Variants in PREX1 observed in about 807,000 individuals in gnomAD.
PREX1 encodes phosphatidylinositol 3,4,5-trisphosphate-dependent Rac exchanger 1 protein.
A neutral mutation model predicts 198.3 loss-of-function variants in PREX1; 41 were observed. The ratio of observed to expected loss-of-function variants is 0.21; its 90% CI spans 0.16 to 0.27. The LOEUF is 0.27. PREX1 is among the 10% of genes least tolerant of loss of function. PREX1 has a pLI of 1.00. For synonymous variants in PREX1, 843 were observed against 887.2 expected, an observed-to-expected ratio of 0.95 and a Z score of 0.89; for missense variants, 1,620 against 2,200.7, an observed-to-expected ratio of 0.74 and a Z score of 5.28.
the PREX1 span, among the ~76,000 whole-genome samples, chr20:48,843,288 C>T: frequency 3.9e-5 from 6 of 152,194 alleles, no homozygotes; most frequent in South Asian, 4.1e-4. Flanking sequence ...TTGCTTCTTT[C>T]CCAAGAGTGT....
intron 6 of PREX1, among the ~76,000 whole-genome samples, chr20:48,706,184 T>G (rs1244546490): frequency 2.6e-5 from 4 of 152,220 alleles, no homozygotes; most frequent in African/African-American, 4.8e-5. Context: ...GGTTTCCATT[T>G]GCCTAGGCCC....
At chr20:48,852,796 A>T in the PREX1 span, among the ~76,000 whole-genome samples, 1 of 152,252 alleles carries the variant, frequency 6.6e-6, no homozygotes, top group Non-Finnish European at 1.5e-5. Context: ...CCAATAAATT[A>T]TGGTGCATCT....
In PREX1 at chr20:48,661,543, G is replaced by GTGTA. The variant is rs1428739487; in HGVS notation, c.1739-1483_1739-1482insTACA. Among the ~76,000 whole-genome samples the GTGTA allele has an allele frequency of 4.3e-4, 37 of 86,308 alleles. 2 individuals carry two copies. The highest frequency in any genetic ancestry group is 1.4e-3 in the African/African-American group (36 of 26,330). 56.6% of individuals were successfully genotyped at this position (86,308 alleles called of 152,430 possible). Reference sequence around the variant, plus strand: ...ATATATATAATGTGTGTGTGTGTGTGTATATATATATATACACACACACAC... The same window carrying GTGTA: ...ATATATATAATGTGTGTGTGTGTGTGTGTATATATATATATATACACACACACAC... On this transcript the variant is annotated intron_variant, in intron 15 of 39. Coordinates refer to ENST00000371941, the MANE Select transcript of PREX1 (RefSeq NM_020820.4).
intron 14 of PREX1, among the ~76,000 whole-genome samples, chr20:48,672,304 T>C (rs533342347): frequency 6.6e-6 from 1 of 152,352 alleles, no homozygotes; most frequent in South Asian, 2.1e-4. Context: ...TACTCACCCA[T>C]GAGCAACCTA....
intron 24 of PREX1, 149 bp downstream of exon 24, chr20:48,649,847 G>C: frequency 1.0e-6 from 1 of 999,774 alleles, no homozygotes; most frequent in East Asian, 2.6e-5. Context: ...GCCACATCTA[G>C]AGATGCTGTC....
At chr20:48,635,775 C>A (rs2089357931) in intron 32 of PREX1, among the ~76,000 whole-genome samples, 1 of 152,230 alleles carries the variant, frequency 6.6e-6, no homozygotes, top group African/African-American at 2.4e-5. Context: ...CTTCAGGCCC[C>A]CAGCTCCCAG....
intron 1 of PREX1, among the ~76,000 whole-genome samples, chr20:48,763,498 C>T (rs184611083): frequency 6.6e-6 from 1 of 152,338 alleles, no homozygotes; most frequent in Non-Finnish European, 1.5e-5. Flanking sequence ...ATGCGGTCTC[C>T]TCTCTGTGGG....
At chr20:48,816,262 C>G (rs13038477) in intron 1 of PREX1, among the ~76,000 whole-genome samples, 4 of 151,878 alleles carry the variant, frequency 2.6e-5, no homozygotes, top group African/African-American at 9.7e-5. Context: ...AATATGGGCT[C>G]TGGAGTAGAA....
chr20:48,688,597 T>C lies in PREX1; in HGVS notation c.1334+60A>G, dbSNP rs996026075. The C allele has an allele frequency of 5.0e-6, 8 of 1,604,964 alleles. No individual in the cohort carries two copies. The African/African-American group carries it at 5.3e-5, about 11-fold the overall frequency. On this transcript the variant is annotated intron_variant, in intron 10 of 39. Transcript: ENST00000371941. ...AGGCTGCATGGGTGGATGGGGATGATCTGCCCCACCTCCAGCTGAGAGCCC... is the reference window on the plus strand; with the variant it reads ...AGGCTGCATGGGTGGATGGGGATGACCTGCCCCACCTCCAGCTGAGAGCCC...
At chr20:48,686,314 C>T (rs1308984705) in intron 10 of PREX1, among the ~76,000 whole-genome samples, 6 of 152,170 alleles carry the variant, frequency 3.9e-5, no homozygotes, top group South Asian at 2.1e-4. Flanking sequence ...ACACACCCTA[C>T]GGCTGTGTGC....
chr20:48,771,559 C>A (rs2122881963), intron 1 of PREX1, among the ~76,000 whole-genome samples: 1 of 152,124 alleles, frequency 6.6e-6, no homozygotes, highest in East Asian at 1.9e-4. Context: ...ATGGCTTGAA[C>A]CCAGGAGGCA....
chr20:48,642,993 G>A (rs2122867509), intron 27 of PREX1, among the ~76,000 whole-genome samples: 1 of 152,256 alleles, frequency 6.6e-6, no homozygotes, highest in South Asian at 2.1e-4. Context: ...TTTATGCACA[G>A]ACTATCTCTG....
chr20:48,657,502 G>A (rs2089554397), intron 17 of PREX1, among the ~76,000 whole-genome samples: 1 of 152,220 alleles, frequency 6.6e-6, no homozygotes, highest in South Asian at 2.1e-4. Context: ...ATGTCTGTTA[G>A]GGCCTGGCGA....
chr20:48,782,429 C>T (rs907951803), intron 1 of PREX1, among the ~76,000 whole-genome samples: 2 of 152,156 alleles, frequency 1.3e-5, no homozygotes, highest in Admixed American at 6.5e-5. Flanking sequence ...TCCCCAGCCA[C>T]GTGAAACTGT....
rs1187781217 is a variant in PREX1 at position 48,708,346 on chromosome 20, C to T, written c.697G>A (p.Val233Ile). 2 of 1,614,110 alleles carry T rather than the reference C, an allele frequency of 1.2e-6. No homozygotes were observed. Among genetic ancestry groups the T allele is most frequent in the Non-Finnish European group, 1.7e-6 (2 of 1,180,026 alleles). ...VQSALQAMKT[V>I]CSNINETKRQ... ...TTGGTCTCATTGATGTTGGAGCAAA[C>T]GGTCTTCATGGCCTGCAGGGCACTC... Residue 233 changes from valine to isoleucine, a missense_variant, in exon 6 of 40, where the codon GTT becomes ATT. Physicochemically the swap from Val to Ile is conservative, Grantham distance 29. Coordinates refer to ENST00000371941, the MANE Select transcript of PREX1 (RefSeq NM_020820.4).
chr20:48,872,420 T>G, the PREX1 span, among the ~76,000 whole-genome samples: 1 of 151,984 alleles, frequency 6.6e-6, no homozygotes, highest in Non-Finnish European at 1.5e-5. Flanking sequence ...CAAGACAGGC[T>G]TGAGATCAAC....
intron 14 of PREX1, among the ~76,000 whole-genome samples, chr20:48,669,004 G>A (rs1263656006): frequency 1.3e-5 from 2 of 152,110 alleles, no homozygotes; most frequent in Non-Finnish European, 2.9e-5. Flanking sequence ...CAGTGATACA[G>A]AAGGCCCAGA....
chr20:48,647,180 T>C (rs1249694740), intron 25 of PREX1, among the ~76,000 whole-genome samples: 3 of 151,026 alleles, frequency 2.0e-5, no homozygotes, highest in African/African-American at 4.9e-5. Flanking sequence ...TGGCAACCTA[T>C]GATCACACCA....
At chr20:48,787,079 A>T (rs1000821802) in intron 1 of PREX1, among the ~76,000 whole-genome samples, 2 of 152,004 alleles carry the variant, frequency 1.3e-5, no homozygotes, top group African/African-American at 4.8e-5. Context: ...GGTGGCTAGA[A>T]ACGTCCAGCA....
Sources: allele counts gnomAD v4.1 joint callset (sites outside exome capture counted in the v4.1 genomes callset), GRCh38; gene constraint gnomAD v4.1.1; transcripts MANE v1.5; gene names NCBI Gene and HGNC (gene_info 2026-07-23, HGNC 2026-07-21).